The following PCDH11Y variants were observed in gnomAD, a reference collection of about 807,000 sequenced individuals.
PCDH11Y encodes protocadherin-11 Y-linked.
For missense variants in PCDH11Y, 12 were observed against 224.8 expected (o/e 0.05, Z 6.05); for synonymous variants, 9 against 83.6 (o/e 0.11, Z 4.87).
chrY:5,471,581 A>G (rs2053314064), intron 2 of PCDH11Y, among the ~76,000 whole-genome samples: 1 of 32,401 alleles, frequency 3.1e-5, no homozygotes, highest in Admixed American at 2.9e-4. Flanking sequence ...TTTTTAAAAT[A>G]AATTATCTGA....
intron 2 of PCDH11Y, among the ~76,000 whole-genome samples, chrY:5,323,512 A>G (rs2124666087): frequency 5.1e-4 from 17 of 33,371 alleles, no homozygotes; most frequent in African/African-American, 1.9e-3. Context: ...ATGCTCTTTT[A>G]ATTAATCATT....
At chrY:5,387,316 G>T in intron 2 of PCDH11Y, among the ~76,000 whole-genome samples, 6 of 33,688 alleles carry the variant, frequency 1.8e-4, no homozygotes, top group Admixed American at 1.3e-3. Flanking sequence ...GTGAGCCACC[G>T]CTCCTGGACA....
At chrY:5,093,200 A>C in intron 1 of PCDH11Y, among the ~76,000 whole-genome samples, 1 of 33,663 alleles carries the variant, frequency 3.0e-5, no homozygotes. Flanking sequence ...TCCACAAAGA[A>C]TTAAAGTCTC....
At chrY:5,374,431 GTA>G in intron 2 of PCDH11Y, among the ~76,000 whole-genome samples, 1 of 26,009 alleles carries the variant, frequency 3.8e-5, no homozygotes, top group East Asian at 9.3e-4. Context: ...GTGTGTGTGT[GTA>G]TATATATGTG....
intron 3 of PCDH11Y, among the ~76,000 whole-genome samples, chrY:5,578,315 G>A: frequency 5.9e-5 from 2 of 33,768 alleles, no homozygotes; most frequent in Non-Finnish European, 1.5e-4. Flanking sequence ...ATTATTCAAA[G>A]AGGTATTGGT....
At chrY:5,640,353 T>C (rs1286996815) in intron 4 of PCDH11Y, among the ~76,000 whole-genome samples, 5 of 33,305 alleles carry the variant, frequency 1.5e-4, no homozygotes, top group Non-Finnish European at 3.0e-4. Flanking sequence ...GTGAACCTTA[T>C]CCAAATAATT....
intron 2 of PCDH11Y, among the ~76,000 whole-genome samples, chrY:5,147,399 G>T (rs2124643099): frequency 3.2e-5 from 1 of 31,084 alleles, no homozygotes; most frequent in East Asian, 8.6e-4. Context: ...CTAGAGTTGG[G>T]GGGGAGCTGC....
intron 2 of PCDH11Y, among the ~76,000 whole-genome samples, chrY:5,115,207 A>G (rs2563425): frequency 0.075 from 1,437 of 19,205 alleles, no homozygotes; most frequent in African/African-American, 0.41. Context: ...GCAGTGGCGC[A>G]ATCTCGGCTC....
intron 2 of PCDH11Y, among the ~76,000 whole-genome samples, chrY:5,236,520 G>A (rs1405714155): frequency 8.2e-3 from 266 of 32,358 alleles, no homozygotes; most frequent in Middle Eastern, 0.045. Context: ...TTATTCTAAT[G>A]AATCTTCTAA....
intron 2 of PCDH11Y, among the ~76,000 whole-genome samples, chrY:5,390,600 C>T: frequency 3.0e-5 from 1 of 33,456 alleles, no homozygotes; most frequent in African/African-American, 1.2e-4. Context: ...GGATGACTCT[C>T]CAGCTAATGA....
intron 2 of PCDH11Y, among the ~76,000 whole-genome samples, chrY:5,413,027 C>T: frequency 9.3e-5 from 3 of 32,248 alleles, no homozygotes; most frequent in Non-Finnish European, 1.5e-4. Flanking sequence ...AACTGAGGTT[C>T]GGGCTGCTAT....
At chrY:5,240,782 G>A in intron 2 of PCDH11Y, among the ~76,000 whole-genome samples, 2 of 28,417 alleles carry the variant, frequency 7.0e-5, no homozygotes, top group Non-Finnish European at 1.6e-4. Flanking sequence ...AGGCAGAGTA[G>A]ATTTAGCATC....
chrY:5,472,750 T>G, intron 2 of PCDH11Y, among the ~76,000 whole-genome samples: 1 of 31,550 alleles, frequency 3.2e-5, no homozygotes, highest in Non-Finnish European at 7.8e-5. Flanking sequence ...ATCTCTCCTT[T>G]CAATTCCCCC....
chrY:5,483,498 AT>A, intron 2 of PCDH11Y, among the ~76,000 whole-genome samples: 6 of 33,263 alleles, frequency 1.8e-4, no homozygotes, highest in African/African-American at 3.5e-4. Flanking sequence ...TGATATTTGA[AT>A]TTTTTTTATA....
intron 2 of PCDH11Y, among the ~76,000 whole-genome samples, chrY:5,120,636 T>C: frequency 9.1e-5 from 3 of 33,126 alleles, no homozygotes; most frequent in Admixed American, 8.4e-4. Context: ...AAGTTTTGTC[T>C]TCTAATGATA....
At chrY:5,338,662 G>A in intron 2 of PCDH11Y, 1 of 388,405 alleles carries the variant, frequency 2.6e-6, no homozygotes, top group Non-Finnish European at 3.6e-6. Context: ...CCAAGGCCTG[G>A]GTGGCTTTTA....
At chrY:5,147,441 C>G in intron 2 of PCDH11Y, among the ~76,000 whole-genome samples, 2 of 30,081 alleles carry the variant, frequency 6.6e-5, no homozygotes, top group African/African-American at 2.6e-4. Flanking sequence ...TGCTCACTAG[C>G]TGGGTGAGGG....
intron 2 of PCDH11Y, among the ~76,000 whole-genome samples, chrY:5,290,050 A>G (rs1602899904): frequency 7.4e-3 from 241 of 32,699 alleles, no homozygotes; most frequent in African/African-American, 0.028. Flanking sequence ...ACTTTTCTTC[A>G]TAGTAGTTGT....
intron 4 of PCDH11Y, among the ~76,000 whole-genome samples, chrY:5,625,242 G>A (rs2053505272): frequency 6.3e-5 from 2 of 31,854 alleles, no homozygotes; most frequent in Admixed American, 2.9e-4. Flanking sequence ...GAACTTTTGG[G>A]CAGAGACTAT....
Sources: gnomAD v4.1 joint callset for allele counts (sites outside exome capture counted in the v4.1 genomes callset) on GRCh38, gnomAD v4.1.1 for gene constraint, MANE v1.5 for transcripts, NCBI Gene and HGNC (gene_info 2026-07-23, HGNC 2026-07-21) for gene names.